CTSS: variants seen among roughly 807,000 people sequenced by gnomAD.
CTSS encodes the protein cathepsin S.
A neutral mutation model predicts 39.9 loss-of-function variants in CTSS; 15 were observed. The ratio of observed to expected loss-of-function variants is 0.38; its 90% CI spans 0.25 to 0.58. The LOEUF (loss-of-function observed/expected upper bound fraction) is 0.58, where lower values mean the gene tolerates loss of function less well. CTSS is among the 20% of genes least tolerant of loss of function. The pLI is 0.70. For synonymous variants in CTSS, 126 were observed against 138.2 expected, an observed-to-expected ratio of 0.91 and a Z score of 0.62; for missense variants, 250 against 398.2, an observed-to-expected ratio of 0.63 and a Z score of 3.17.
chr1:150,740,864 T>C (rs1381142318), intron 7 of CTSS, among the ~76,000 whole-genome samples: 1 of 151,586 alleles, frequency 6.6e-6, no homozygotes, highest in Non-Finnish European at 1.5e-5. Flanking sequence ...CTGGCTTATT[T>C]TTGTATAGAG....
chr1:150,737,079 C>T (rs1453381714), intron 7 of CTSS, among the ~76,000 whole-genome samples: 1 of 151,628 alleles, frequency 6.6e-6, no homozygotes, highest in African/African-American at 2.4e-5. Context: ...ATGAGTACAT[C>T]AGATTGGACT....
At chr1:150,735,828 C>T (rs993079081) in intron 7 of CTSS, among the ~76,000 whole-genome samples, 1 of 149,586 alleles carries the variant, frequency 6.7e-6, no homozygotes, top group Admixed American at 6.8e-5. Context: ...ACAATCTCGG[C>T]TCACTGCAAG....
intron 6 of CTSS, 121 bp downstream of exon 6, chr1:150,749,885 G>C: frequency 1.3e-6 from 1 of 776,010 alleles, no homozygotes; most frequent in Non-Finnish European, 2.0e-6. Context: ...AAACTCCCAG[G>C]CTCAAGCAAT....
intron 4 of CTSS, 78 bp from the exon 5 acceptor site, chr1:150,752,086 G>A (rs1172574706): frequency 1.5e-5 from 21 of 1,417,220 alleles, no homozygotes; most frequent in African/African-American, 2.8e-5. Flanking sequence ...ACTGGACAAC[G>A]CTCAGCTACA....
chr1:150,742,010 G>A (rs1323196112), intron 7 of CTSS, among the ~76,000 whole-genome samples: 4 of 151,812 alleles, frequency 2.6e-5, no homozygotes, highest in African/African-American at 9.7e-5. Context: ...AGACCGAGGT[G>A]GGCAGATCAC....
chr1:150,753,043 C>G (rs1038931284), intron 4 of CTSS, among the ~76,000 whole-genome samples: 3 of 151,906 alleles, frequency 2.0e-5, no homozygotes, highest in Admixed American at 6.6e-5. Flanking sequence ...TTTGTAGAGT[C>G]AGGGCCTCAC....
Position 150,755,136 on chromosome 1 carries a change from C to G in CTSS, c.264G>C (p.Val88=). 1 of 1,614,134 alleles carries G rather than the reference C, an allele frequency of 6.2e-7. No homozygotes were observed. The highest frequency in any genetic ancestry group is 8.5e-7 in the Non-Finnish European group (1 of 1,180,008). The change falls in exon 4 of 8, where the codon GTG becomes GTC. Residue 88 remains valine, a synonymous_variant. Coordinates refer to ENST00000368985, the MANE Select transcript of CTSS (RefSeq NM_004079.5). Reference sequence around the variant, plus strand: ...CTCTCAGGGAACTCATCAAAGACATCACTTCTTCACTGGTCTACAAAGCAA... The same window carrying G: ...CTCTCAGGGAACTCATCAAAGACATGACTTCTTCACTGGTCTACAAAGCAA... ...NHLGDMTSEE[V]MSLMSSLRVP...
chr1:150,733,795 T>A (rs1356040212), intron 7 of CTSS, among the ~76,000 whole-genome samples: 1 of 151,814 alleles, frequency 6.6e-6, no homozygotes, highest in Non-Finnish European at 1.5e-5. Flanking sequence ...AGTCCCTGAT[T>A]CTACAAAAAA....
At position 150,751,987 on chromosome 1, in the gene CTSS, C is replaced by T; in HGVS notation, c.421G>A (p.Ala141Thr). Residue 141 changes from alanine (A) to threonine (T), a missense_variant, in exon 5 of 8, where the codon GCT (alanine) becomes ACT (threonine). Physicochemically the swap from Ala to Thr is moderately conservative, Grantham distance 58 (BLOSUM62 0). Coordinates refer to ENST00000368985, the MANE Select transcript of CTSS (RefSeq NM_004079.5). Reference sequence around the variant, plus strand: ...TCCAGGGCCCCCACAGCACTGAAAGCCCAGCAAGCACCACAAGAACCCTAA... The same window carrying T: ...TCCAGGGCCCCCACAGCACTGAAAGTCCAGCAAGCACCACAAGAACCCTAA... ...KYQGSCGACW[A>T]FSAVGALEAQ... is the part of the protein sequence containing the mutation. 1 of 1,614,144 alleles carries T rather than the reference C, an allele frequency of 6.2e-7. No homozygotes were observed. Among genetic ancestry groups the T allele is most frequent in the Non-Finnish European group, 8.5e-7 (1 of 1,180,026 alleles).
chr1:150,740,574 A>T (rs1365189498), intron 7 of CTSS, among the ~76,000 whole-genome samples: 1 of 151,934 alleles, frequency 6.6e-6, no homozygotes, highest in African/African-American at 2.4e-5. Flanking sequence ...TTGTATTTTT[A>T]GTAGAGACAG....
intron 3 of CTSS, among the ~76,000 whole-genome samples, chr1:150,757,144 G>A (rs587718579): frequency 4.6e-5 from 7 of 152,294 alleles, no homozygotes; most frequent in Non-Finnish European, 1.0e-4. Context: ...CTGGTGGGGC[G>A]AATTATCTGG....
chr1:150,737,529 A>G (rs978477322), intron 7 of CTSS, among the ~76,000 whole-genome samples: 2 of 152,172 alleles, frequency 1.3e-5, no homozygotes, highest in African/African-American at 2.4e-5. Flanking sequence ...GCCCTTAGCA[A>G]AGTGGGAAAG....
chr1:150,746,243 T>G (rs780427960), intron 7 of CTSS, among the ~76,000 whole-genome samples: 1 of 152,212 alleles, frequency 6.6e-6, no homozygotes, highest in Non-Finnish European at 1.5e-5. Flanking sequence ...TCATTTAAGC[T>G]GCTCAGTTCG....
Position 150,732,865 on chromosome 1 carries a change from C to T in CTSS, c.*181G>A. Reference sequence around the variant, plus strand: ...CTCAAGTTGATATGCCTGCCTTGGCCTCCCAAGTACTGGGATTACAGGCGT... The same window carrying T: ...CTCAAGTTGATATGCCTGCCTTGGCTTCCCAAGTACTGGGATTACAGGCGT... On this transcript the variant is annotated 3_prime_UTR_variant, in exon 8 of 8. Coordinates refer to ENST00000368985, the MANE Select transcript of CTSS (RefSeq NM_004079.5). The T allele has an allele frequency of 2.3e-6, 1 of 426,842 alleles. No homozygotes were observed. The highest frequency in any genetic ancestry group is 4.2e-6 in the Non-Finnish European group (1 of 239,774). 26.4% of individuals were successfully genotyped at this position (426,842 alleles called of 1,614,324 possible).
intron 7 of CTSS, among the ~76,000 whole-genome samples, chr1:150,742,632 C>G (rs587775881): frequency 1.3e-5 from 2 of 151,820 alleles, no homozygotes; most frequent in African/African-American, 4.8e-5. Context: ...AAAAAGATAC[C>G]GCTATAGCTG....
chr1:150,755,965 C>T (rs1653115784), intron 3 of CTSS, among the ~76,000 whole-genome samples: 1 of 152,094 alleles, frequency 6.6e-6, no homozygotes, highest in Non-Finnish European at 1.5e-5. Context: ...AACTTTTTTA[C>T]TTAATAAACT....
At chr1:150,743,463 C>T (rs1199174627) in intron 7 of CTSS, among the ~76,000 whole-genome samples, 1 of 145,164 alleles carries the variant, frequency 6.9e-6, no homozygotes, top group East Asian at 2.0e-4. Context: ...TGGTGGCTCA[C>T]GCCTGTAATC....
intron 4 of CTSS, among the ~76,000 whole-genome samples, chr1:150,754,430 CT>C (rs35667418): frequency 1.1e-3 from 154 of 135,098 alleles, no homozygotes; most frequent in Admixed American, 1.6e-3. Context: ...TATACTTTAC[CT>C]TTTTTTTTTT....
At position 150,731,062 on chromosome 1, in the gene CTSS, A is replaced by G. The variant is rs1409363897; in HGVS notation, c.*1984T>C. 2 of 152,222 alleles carry G rather than the reference A, an allele frequency of 1.3e-5. No individual in the cohort carries two copies. Among genetic ancestry groups the G allele is most frequent in the Non-Finnish European group, 2.9e-5 (2 of 68,034 alleles). 9.4% of individuals were successfully genotyped at this position (152,222 alleles called of 1,614,324 possible). On this transcript the variant is annotated 3_prime_UTR_variant, in exon 8 of 8. Transcript: ENST00000368985. ...TTTTTATTCTACTTTCAATACTTGA[A>G]AAGTTGTGGATAAAACAAAAATTAT...
Sources: allele counts gnomAD v4.1 joint callset (sites outside exome capture counted in the v4.1 genomes callset), GRCh38; gene constraint gnomAD v4.1.1; transcripts MANE v1.5; gene names NCBI Gene and HGNC (gene_info 2026-07-23, HGNC 2026-07-21).